The following ACSS2 variants were observed in gnomAD, a reference collection of about 807,000 sequenced individuals.
ACSS2 encodes acyl-CoA synthetase short chain family member 2.
ACSS2 carries 58 observed loss-of-function variants against 90.6 expected under a neutral mutation model. The ratio of observed to expected loss-of-function variants is 0.64; its 90% CI spans 0.52 to 0.80. ACSS2 has a LOEUF of 0.80. Ranked by LOEUF, ACSS2 falls within the 30% of genes least tolerant of loss-of-function variation. ACSS2 has a pLI of 0.00. For synonymous variants in ACSS2, 300 were observed against 330.9 expected (o/e 0.91, Z 1.01); for missense variants, 759 against 912.0 (o/e 0.83, Z 2.16).
intron 2 of ACSS2, 69 bp from the exon 3 acceptor site, chr20:34,913,027 A>T: frequency 2.5e-6 from 3 of 1,202,796 alleles, no homozygotes; most frequent in Non-Finnish European, 3.7e-6. Context: ...GGATTTTATG[A>T]CTCTGCCTGT....
At chr20:34,906,441 G>T (rs574955857) in intron 2 of ACSS2, among the ~76,000 whole-genome samples, 1 of 152,144 alleles carries the variant, frequency 6.6e-6, no homozygotes, top group East Asian at 1.9e-4. Flanking sequence ...GCCCCAGCCT[G>T]GTGTGTATGT....
chr20:34,918,347 C>G (rs1330906582), intron 7 of ACSS2, among the ~76,000 whole-genome samples: 1 of 152,174 alleles, frequency 6.6e-6, no homozygotes, highest in Non-Finnish European at 1.5e-5. Flanking sequence ...AGATTTTGGA[C>G]AAATTCAAGG....
chr20:34,900,031 T>C (rs1317011793), intron 2 of ACSS2, among the ~76,000 whole-genome samples: 2 of 152,184 alleles, frequency 1.3e-5, no homozygotes, highest in African/African-American at 2.4e-5. Context: ...TTCCCGGCAA[T>C]GTATGAGGTT....
intron 1 of ACSS2, 25 bp from the exon 2 acceptor site, chr20:34,882,769 A>T: frequency 6.2e-7 from 1 of 1,607,716 alleles, no homozygotes; most frequent in South Asian, 1.1e-5. Context: ...GATTAATGAT[A>T]TCTGGGCTTC....
rs758523436 is a variant in ACSS2 at position 34,921,867 on chromosome 20, G to C, written c.1548+1G>C. 6.2e-7 allele frequency: 1 copy of C among 1,613,166 alleles called. No homozygotes were observed. The highest frequency in any genetic ancestry group is 1.1e-5 in the South Asian group (1 of 90,980). Reference sequence around the variant, plus strand: ...GGAAGGTGAAGCTGAAGGTTATCTGGTGAGGCCCTGGCCCTTGGGAGTCTT... The same window carrying C: ...GGAAGGTGAAGCTGAAGGTTATCTGCTGAGGCCCTGGCCCTTGGGAGTCTT... On this transcript the variant is annotated splice_donor_variant, in intron 13 of 17. Transcript: ENST00000360596. LOFTEE classifies it high-confidence loss of function.
upstream of ACSS2, chr20:34,876,347 T>G: frequency 3.7e-6 from 1 of 268,604 alleles, no homozygotes; most frequent in Non-Finnish European, 6.9e-6. Flanking sequence ...CTCTCCCTTG[T>G]CACACCCGGC....
chr20:34,913,289 C>T, intron 3 of ACSS2, 102 bp downstream of exon 3: 1 of 1,549,440 alleles, frequency 6.5e-7, no homozygotes, highest in Non-Finnish European at 8.9e-7. Flanking sequence ...AATTTGGTAA[C>T]AGAGGAAGAG....
intron 1 of ACSS2, among the ~76,000 whole-genome samples, chr20:34,877,897 C>CAGATAGATAGAT (rs1440998444): frequency 3.3e-5 from 3 of 91,132 alleles, no homozygotes; most frequent in African/African-American, 4.9e-5. Flanking sequence ...GGGTAAAGGA[C>CAGATAGATAGAT]AGATAGATAG....
intron 4 of ACSS2, 25 bp downstream of exon 4, chr20:34,913,521 G>A (rs772647925): frequency 6.3e-7 from 1 of 1,599,850 alleles, no homozygotes; most frequent in South Asian, 1.1e-5. Flanking sequence ...TGGTGAAAAG[G>A]GGCAGGCGGG....
Position 34,921,552 on chromosome 20 carries a change from C to G in ACSS2, c.1419C>G (p.His473Gln), listed in dbSNP as rs1237652976. 1 of 1,614,202 alleles carries G rather than the reference C, an allele frequency of 6.2e-7. No homozygotes were observed. Among genetic ancestry groups the G allele is most frequent in the East Asian group, 2.2e-5 (1 of 44,876 alleles). Residue 473 changes from histidine (H) to glutamine (Q), a missense_variant, in exon 12 of 18, where the codon CAC becomes CAG. Physicochemically the swap from His to Gln is conservative, Grantham distance 24. Coordinates refer to ENST00000360596, the MANE Select transcript of ACSS2 (RefSeq NM_018677.4). ...DTFWQTETGG[H>Q]MLTPLPGATP... ...ATCTCTGACTTCCCCAGGGTGGCCA[C>G]ATGTTGACTCCCCTTCCTGGTGCCA...
chr20:34,902,915 TAGAG>T (rs1373270492), intron 2 of ACSS2, among the ~76,000 whole-genome samples: 7 of 141,016 alleles, frequency 5.0e-5, no homozygotes, highest in Non-Finnish European at 7.8e-5. Context: ...TTTTTTTTAG[TAGAG>T]AGAGCATTTC....
intron 2 of ACSS2, among the ~76,000 whole-genome samples, chr20:34,904,235 AT>A (rs879944965): frequency 5.0e-3 from 724 of 144,876 alleles, no homozygotes; most frequent in Admixed American, 4.6e-3. Flanking sequence ...CGCAGGGAGT[AT>A]TTTTTTTTTT....
At chr20:34,925,041 A>G (rs1450297077) in intron 14 of ACSS2, among the ~76,000 whole-genome samples, 3 of 152,144 alleles carry the variant, frequency 2.0e-5, no homozygotes, top group Non-Finnish European at 2.9e-5. Context: ...TACTGTTTAG[A>G]AAATAACTTT....
intron 1 of ACSS2, among the ~76,000 whole-genome samples, chr20:34,881,852 A>G (rs537267564): frequency 8.5e-5 from 13 of 152,340 alleles, no homozygotes; most frequent in African/African-American, 3.1e-4. Context: ...TGAAAAGCTT[A>G]AAGAAACATT....
In ACSS2 at chr20:34,920,697, C is replaced by T. The variant is rs565314644; in HGVS notation, c.1131C>T (p.Ala377=). Residue 377 remains alanine, a synonymous_variant, in exon 9 of 18, where the codon GCC becomes GCT. Transcript: ENST00000360596. ...CCTATGGGCCACTGGCCAATGGTGCCACCAGTGTTTTGGTGAGAAGGGAGC... is the reference window on the plus strand; with the variant it reads ...CCTATGGGCCACTGGCCAATGGTGCTACCAGTGTTTTGGTGAGAAGGGAGC... ...YVTYGPLANG[A]TSVLFEGIPT... is the part of the protein sequence containing the mutation. 6.2e-7 allele frequency: 1 copy of T among 1,611,978 alleles called. No individual in the cohort carries two copies. The highest frequency in any genetic ancestry group is 8.5e-7 in the Non-Finnish European group (1 of 1,178,856).
At chr20:34,892,308 C>G (rs1300232014) in intron 2 of ACSS2, among the ~76,000 whole-genome samples, 1 of 152,154 alleles carries the variant, frequency 6.6e-6, no homozygotes, top group East Asian at 1.9e-4. Context: ...GGGCCTTCCC[C>G]CACTTCCTGG....
upstream of ACSS2, chr20:34,875,922 T>G (rs1204472777): frequency 6.6e-6 from 1 of 152,572 alleles, no homozygotes; most frequent in Non-Finnish European, 1.5e-5. Flanking sequence ...AAATCTGAGC[T>G]GGTTCCAGGG....
At chr20:34,883,680 G>A (rs1002325881) in intron 2 of ACSS2, among the ~76,000 whole-genome samples, 6 of 152,214 alleles carry the variant, frequency 3.9e-5, no homozygotes, top group African/African-American at 1.2e-4. Context: ...GAAGGGTTAT[G>A]TAGTGAATAA....
At position 34,927,039 on chromosome 20, in the gene ACSS2, G is replaced by A. The variant is rs761489261; in HGVS notation, c.1979-48G>A. The A allele has an allele frequency of 7.4e-6, 12 of 1,613,972 alleles. No individual in the cohort carries two copies. The East Asian group carries it at 2.5e-4, about 33-fold the overall frequency. On this transcript the variant is annotated intron_variant, in intron 17 of 17. Coordinates refer to ENST00000360596, the MANE Select transcript of ACSS2 (RefSeq NM_018677.4). This position sits in a 1 kb window ranked among gnomAD's most constrained non-coding sequence, Gnocchi z 4.2. ...GGATGAAAGCCTTTGGCAGGGCTAG[G>A]GTGGGTCAGTGCTTTCACCAAGTAA... is the stretch of plus-strand genomic sequence containing the variant.
Sources: gnomAD v4.1 joint callset for allele counts (sites outside exome capture counted in the v4.1 genomes callset) on GRCh38, gnomAD v4.1.1 for gene constraint, Gnocchi (gnomAD v3.1) non-coding constraint, MANE v1.5 for transcripts, NCBI Gene and HGNC (gene_info 2026-07-23, HGNC 2026-07-21) for gene names.